KIF6: variants seen among roughly 807,000 people sequenced by gnomAD.
The protein encoded by KIF6 is kinesin-like protein KIF6.
A neutral mutation model predicts 112.7 loss-of-function variants in KIF6; 106 were observed. That is an observed-to-expected ratio of 0.94 (90% CI 0.80 to 1.11). The LOEUF (loss-of-function observed/expected upper bound fraction) is 1.11, where lower values mean the gene tolerates loss of function less well. Among genes scored for constraint, KIF6 ranks in the 50% least tolerant of loss-of-function variants. The probability of loss-of-function intolerance (pLI) is 0.00; values close to 1 mark genes in which losing one functional copy is unlikely to be tolerated. For missense variants in KIF6, 929 were observed against 964.0 expected (o/e 0.96, Z 0.48); for synonymous variants, 339 against 339.9 (o/e 1.00, Z 0.03).
rs187859720 is a variant in KIF6, at chr6:39,549,030, T to G, written c.1182-3342A>C. Among the ~76,000 whole-genome samples, 8 of 152,314 alleles carry G rather than the reference T, an allele frequency of 5.3e-5. 1 individual carries two copies. The East Asian group carries it at 1.5e-3, about 29-fold the overall frequency. On this transcript the variant is annotated intron_variant, in intron 10 of 22. Transcript: ENST00000287152. ...GCTGATGGTAGGTGATGGTTTGATG[T>G]CTGGTGACTATACAGATCTCAGCCA...
chr6:39,610,644 AC>A (rs1191012361), intron 6 of KIF6, among the ~76,000 whole-genome samples: 4 of 152,210 alleles, frequency 2.6e-5, no homozygotes, highest in African/African-American at 9.6e-5. Context: ...GTTGACAGTT[AC>A]TTGTCATTTA....
chr6:39,513,221 C>A (rs1456432235), intron 13 of KIF6, among the ~76,000 whole-genome samples: 1 of 152,160 alleles, frequency 6.6e-6, no homozygotes, highest in Non-Finnish European at 1.5e-5. Flanking sequence ...GCTAGCTAGC[C>A]TGCAGCTAGG....
At chr6:39,357,124 T>C (rs1764758314) in intron 19 of KIF6, among the ~76,000 whole-genome samples, 153 bp downstream of exon 19, 1 of 152,190 alleles carries the variant, frequency 6.6e-6, no homozygotes, top group Non-Finnish European at 1.5e-5. Flanking sequence ...GCCACTGTCT[T>C]GAGTATCTAC....
intron 22 of KIF6, among the ~76,000 whole-genome samples, chr6:39,340,746 A>C (rs1008036456): frequency 6.6e-6 from 1 of 152,170 alleles, no homozygotes; most frequent in Non-Finnish European, 1.5e-5. Flanking sequence ...CACCACTCTG[A>C]CAGGGACCTG....
intron 10 of KIF6, among the ~76,000 whole-genome samples, chr6:39,552,398 A>C (rs986864253): frequency 3.6e-4 from 55 of 152,218 alleles, no homozygotes; most frequent in African/African-American, 1.2e-3. Context: ...TTTGTTATTC[A>C]TCTGTTCCAT....
intron 22 of KIF6, among the ~76,000 whole-genome samples, chr6:39,338,904 T>C (rs990830546): frequency 3.1e-5 from 4 of 128,092 alleles, no homozygotes; most frequent in African/African-American, 8.9e-5. Context: ...CCACCCAGGA[T>C]GGTCTCTGAG....
intron 6 of KIF6, among the ~76,000 whole-genome samples, chr6:39,612,637 A>G (rs1419257908): frequency 6.6e-6 from 1 of 152,240 alleles, no homozygotes. Flanking sequence ...TAGTGGTGTT[A>G]CCAGATATGC....
At position 39,642,618 on chromosome 6, in the gene KIF6, T is replaced by C. The variant is rs74413487; in HGVS notation, c.252-2861A>G. 9.7e-3 allele frequency among the ~76,000 whole-genome samples: 1,477 copies of C among 152,182 alleles called. 27 individuals are homozygous for C. The highest frequency in any genetic ancestry group is 0.034 in the African/African-American group (1,393 of 41,536). ...AGCAGCCCTGTCCTCGGGGTGTTTGTTGAAAAAAAATCAGTGGCAAGTGTT... is the reference window on the plus strand; with the variant it reads ...AGCAGCCCTGTCCTCGGGGTGTTTGCTGAAAAAAAATCAGTGGCAAGTGTT... On this transcript the variant is annotated intron_variant, in intron 3 of 22. Transcript: ENST00000287152.
At chr6:39,532,492 A>G (rs931018221) in intron 13 of KIF6, among the ~76,000 whole-genome samples, 1 of 152,222 alleles carries the variant, frequency 6.6e-6, no homozygotes, top group African/African-American at 2.4e-5. Flanking sequence ...ATAGAAAACT[A>G]TCACAGGGAG....
intron 19 of KIF6, among the ~76,000 whole-genome samples, chr6:39,348,707 C>A (rs1223751086): frequency 6.6e-6 from 1 of 152,190 alleles, no homozygotes; most frequent in Non-Finnish European, 1.5e-5. Flanking sequence ...GGTTGCCAAT[C>A]AGAGTGTTTA....
chr6:39,545,520 AAG>A lies in KIF6; in HGVS notation c.1287+61_1287+62del, dbSNP rs1399278724. On this transcript the variant is annotated intron_variant, in intron 11 of 22. Coordinates refer to ENST00000287152, the MANE Select transcript of KIF6 (RefSeq NM_145027.6). ...CCTTCCAAGAACTGGTCAACTAGAA[AAG>A]TTTTTTTGCAGCTTGAACATGGCTG... 2.4e-6 allele frequency: 3 copies of A among 1,228,230 alleles called. No homozygotes were observed. In the African/African-American group the frequency reaches 4.5e-5, roughly 18 times the overall value. The allele number at this position is 1,228,230 out of a possible 1,614,324, so 76.1% of individuals were successfully genotyped here.
intron 3 of KIF6, among the ~76,000 whole-genome samples, chr6:39,663,044 C>T (rs966154093): frequency 2.6e-5 from 4 of 152,052 alleles, no homozygotes; most frequent in Non-Finnish European, 5.9e-5. Flanking sequence ...CAGGTGCACA[C>T]CGCCATGCCT....
In KIF6 at chr6:39,714,773, T is replaced by C. The variant is rs755994520; in HGVS notation, c.177-7A>G. ...ATCAAAAATTCTTTGAAATCTGCAA[T>C]GTGAAAAATAGTAATTATTTAAAAG... On this transcript the variant is annotated splice_region_variant and splice_polypyrimidine_tract_variant and intron_variant, in intron 2 of 22. Transcript: ENST00000287152. 2 of 1,587,122 alleles carry C rather than the reference T, an allele frequency of 1.3e-6. No homozygotes were observed. The highest frequency in any genetic ancestry group is 1.7e-6 in the Non-Finnish European group (2 of 1,156,294).
At chr6:39,692,745 T>A (rs1216949709) in intron 3 of KIF6, among the ~76,000 whole-genome samples, 1 of 152,236 alleles carries the variant, frequency 6.6e-6, no homozygotes, top group Non-Finnish European at 1.5e-5. Context: ...AATTTACTGA[T>A]GGTTAATTAA....
chr6:39,662,226 T>C (rs1346640183), intron 3 of KIF6, among the ~76,000 whole-genome samples: 1 of 152,224 alleles, frequency 6.6e-6, no homozygotes, highest in East Asian at 1.9e-4. Flanking sequence ...AGCATTAAAA[T>C]GTTAAGAGAG....
chr6:39,367,965 A>G (rs1765697853), intron 16 of KIF6, among the ~76,000 whole-genome samples: 1 of 152,110 alleles, frequency 6.6e-6, no homozygotes, highest in Admixed American at 6.5e-5. Flanking sequence ...GGTGATTCCA[A>G]TGCTCACCCC....
intron 19 of KIF6, among the ~76,000 whole-genome samples, chr6:39,352,646 C>T (rs1456482428): frequency 3.3e-5 from 5 of 151,022 alleles, no homozygotes; most frequent in African/African-American, 7.3e-5. Context: ...CTCTGTCACC[C>T]AGGCTGGAGT....
intron 13 of KIF6, among the ~76,000 whole-genome samples, chr6:39,489,618 A>G (rs1775341108): frequency 6.6e-6 from 1 of 152,182 alleles, no homozygotes; most frequent in Non-Finnish European, 1.5e-5. Flanking sequence ...CCAAGTAGCA[A>G]CAGTCTTCAG....
chr6:39,599,963 G>A (rs1254749617), intron 6 of KIF6, among the ~76,000 whole-genome samples: 1 of 152,180 alleles, frequency 6.6e-6, no homozygotes, highest in Non-Finnish European at 1.5e-5. Context: ...CTACAGTTTT[G>A]TAACTTCTCA....
Sources: gnomAD v4.1 joint callset for allele counts (sites outside exome capture counted in the v4.1 genomes callset) on GRCh38, gnomAD v4.1.1 for gene constraint, MANE v1.5 for transcripts, NCBI Gene and HGNC (gene_info 2026-07-23, HGNC 2026-07-21) for gene names.